Variants in SARNP observed in about 807,000 individuals in gnomAD.
The protein encoded by SARNP is SAP domain containing ribonucleoprotein.
A neutral mutation model predicts 38.1 loss-of-function variants in SARNP; 5 were observed. The observed-to-expected ratio is 0.13, with a 90% CI of 0.07 to 0.28. The LOEUF (loss-of-function observed/expected upper bound fraction) is 0.28, where lower values mean the gene tolerates loss of function less well. Ranked by LOEUF, SARNP falls within the 10% of genes least tolerant of loss-of-function variation. The pLI is 1.00. For synonymous variants in SARNP, 84 were observed against 80.6 expected, an observed-to-expected ratio of 1.04 and a Z score of -0.23; for missense variants, 180 against 243.9, an observed-to-expected ratio of 0.74 and a Z score of 1.75.
intron 7 of SARNP, among the ~76,000 whole-genome samples, chr12:55,790,852 A>G (rs1879646645): frequency 6.6e-6 from 1 of 152,244 alleles, no homozygotes; most frequent in Admixed American, 6.5e-5. Flanking sequence ...CTAGCTATAC[A>G]GCTAAGAGAA....
rs775918963 is a variant in SARNP, at chr12:55,765,509, A to AT, written c.502-4870dup. Among the ~76,000 whole-genome samples, 346 of 144,544 alleles carry AT rather than the reference A, an allele frequency of 2.4e-3. 8 individuals carry two copies. Among genetic ancestry groups the AT allele is most frequent in the Admixed American group, 8.6e-3 (122 of 14,260 alleles). 94.8% of individuals were successfully genotyped at this position (144,544 alleles called of 152,430 possible). A position where few individuals can be genotyped will look rare whatever the true frequency, so the allele number is the denominator to read the frequency against. On this transcript the variant is annotated intron_variant, in intron 9 of 10. Transcript: ENST00000336133. ...TAAAGGTATGTGCCATGCCTGGCTA[A>AT]TTTTTTTTTTTTTTTAATAGAGACA...
At chr12:55,798,351 G>C (rs576847084) in intron 4 of SARNP, among the ~76,000 whole-genome samples, 1 of 152,036 alleles carries the variant, frequency 6.6e-6, no homozygotes, top group African/African-American at 2.4e-5. Flanking sequence ...TACAAAAAAA[G>C]AGCTGGGTGT....
At chr12:55,783,773 G>A (rs767348150) in intron 9 of SARNP, among the ~76,000 whole-genome samples, 6 of 151,840 alleles carry the variant, frequency 4.0e-5, no homozygotes, top group South Asian at 2.1e-4. Flanking sequence ...AAAATATGAA[G>A]AGGAGATGAG....
intron 1 of SARNP, among the ~76,000 whole-genome samples, chr12:55,805,229 C>T (rs1329535553): frequency 6.6e-6 from 1 of 152,174 alleles, no homozygotes; most frequent in Non-Finnish European, 1.5e-5. Context: ...CCACTACACT[C>T]CAGCCTGGGC....
chr12:55,793,639 C>T (rs1177454042), intron 7 of SARNP: 1 of 151,904 alleles, frequency 6.6e-6, no homozygotes, highest in African/African-American at 2.4e-5. Context: ...AAAAAAAAAT[C>T]CAAGTATAAG....
intron 7 of SARNP, among the ~76,000 whole-genome samples, 175 bp from the exon 8 acceptor site, chr12:55,790,767 A>T (rs1373895824): frequency 6.6e-6 from 1 of 152,260 alleles, no homozygotes; most frequent in Non-Finnish European, 1.5e-5. Context: ...ATAAAATGGT[A>T]TAGCTGCTTT....
At chr12:55,817,627 T>C (rs368088020) in intron 1 of SARNP, 39 bp downstream of exon 1, 14 of 1,596,866 alleles carry the variant, frequency 8.8e-6, no homozygotes, top group African/African-American at 2.7e-5. Flanking sequence ...ATTCAGTTCC[T>C]AGAAAAGTCC....
chr12:55,795,817 T>C (rs1050680339), intron 5 of SARNP, among the ~76,000 whole-genome samples: 2 of 152,146 alleles, frequency 1.3e-5, no homozygotes, highest in African/African-American at 2.4e-5. Flanking sequence ...ATATTACATA[T>C]AAAAAGACTA....
At chr12:55,791,454 G>A (rs1879666365) in intron 7 of SARNP, among the ~76,000 whole-genome samples, 1 of 152,190 alleles carries the variant, frequency 6.6e-6, no homozygotes, top group Non-Finnish European at 1.5e-5. Context: ...CAGCACTTTT[G>A]GAGGCCAAGG....
intron 1 of SARNP, among the ~76,000 whole-genome samples, chr12:55,812,128 CCTTAT>C (rs1456026379): frequency 2.6e-5 from 4 of 152,176 alleles, no homozygotes; most frequent in African/African-American, 9.7e-5. Flanking sequence ...CCTACCATTA[CCTTAT>C]TACCATTGCT....
chr12:55,767,232 C>A (rs902483813), intron 9 of SARNP, among the ~76,000 whole-genome samples: 4 of 152,138 alleles, frequency 2.6e-5, no homozygotes, highest in African/African-American at 9.7e-5. Context: ...CAATGCCATT[C>A]ATTCTTCTAG....
intron 1 of SARNP, among the ~76,000 whole-genome samples, chr12:55,805,304 G>A (rs1880106482): frequency 6.6e-6 from 1 of 152,242 alleles, no homozygotes; most frequent in Admixed American, 6.5e-5. Context: ...ACAACGACTA[G>A]CAAAGCATTT....
intron 9 of SARNP, among the ~76,000 whole-genome samples, chr12:55,776,990 C>T (rs764400454): frequency 3.3e-5 from 5 of 152,110 alleles, no homozygotes; most frequent in African/African-American, 4.8e-5. Flanking sequence ...GTGGCAAAGA[C>T]GAGCAGGGGG....
intron 6 of SARNP, 116 bp downstream of exon 6, chr12:55,794,691 T>G (rs1879769629): frequency 5.8e-6 from 4 of 689,910 alleles, no homozygotes; most frequent in Non-Finnish European, 7.6e-6. Context: ...AGTGTTCATA[T>G]CCTTCAGCAA....
chr12:55,786,941 A>G (rs1879513269), intron 9 of SARNP, among the ~76,000 whole-genome samples: 1 of 152,172 alleles, frequency 6.6e-6, no homozygotes, highest in Admixed American at 6.5e-5. Flanking sequence ...ATAAAAAATG[A>G]TAACCCAGGC....
rs374333077 is a variant in SARNP, at chr12:55,804,900, G to C, written c.37-1172C>G. ...AGACAAAAAATTTTACAACTATGGA[G>C]GATGCTCTGCATCTCTACGTTTTTC... On this transcript the variant is annotated intron_variant, in intron 1 of 10. Coordinates refer to ENST00000336133, the MANE Select transcript of SARNP (RefSeq NM_033082.4). 2.2e-4 allele frequency among the ~76,000 whole-genome samples: 34 copies of C among 152,262 alleles called. No homozygotes were observed. In the East Asian group the frequency reaches 2.9e-3, roughly 13 times the overall value.
At chr12:55,815,671 C>T (rs1190788747) in intron 1 of SARNP, among the ~76,000 whole-genome samples, 2 of 152,014 alleles carry the variant, frequency 1.3e-5, no homozygotes, top group East Asian at 3.9e-4. Context: ...GCCATGTTGC[C>T]CAGGCTGGTC....
chr12:55,770,381 C>A (rs1369531776), intron 9 of SARNP, among the ~76,000 whole-genome samples: 1 of 151,236 alleles, frequency 6.6e-6, no homozygotes, highest in South Asian at 2.1e-4. Context: ...CGCCCACCAC[C>A]ACGCCCAGCT....
intron 4 of SARNP, 80 bp from the exon 5 acceptor site, chr12:55,796,156 G>A (rs1879814988): frequency 6.0e-6 from 6 of 999,996 alleles, no homozygotes; most frequent in Non-Finnish European, 7.8e-6. Context: ...GAATTCACCT[G>A]AGTCACCATT....
Sources: allele counts gnomAD v4.1 joint callset (sites outside exome capture counted in the v4.1 genomes callset), GRCh38; gene constraint gnomAD v4.1.1; transcripts MANE v1.5; gene names NCBI Gene and HGNC (gene_info 2026-07-23, HGNC 2026-07-21).